The following ASAP1 variants were observed in gnomAD, a reference collection of about 807,000 sequenced individuals.
ASAP1 encodes arf-GAP with SH3 domain, ANK repeat and PH domain-containing protein 1.
A neutral mutation model predicts 145.2 loss-of-function variants in ASAP1; 43 were observed. The observed-to-expected ratio is 0.30, with a 90% CI of 0.23 to 0.38. The LOEUF (loss-of-function observed/expected upper bound fraction) is 0.38, where lower values mean the gene tolerates loss of function less well. Among genes scored for constraint, ASAP1 ranks in the 10% least tolerant of loss-of-function variants. The pLI is 1.00. For missense variants in ASAP1, 1,018 were observed against 1,355.3 expected (o/e 0.75, Z 3.91); for synonymous variants, 546 against 515.5 (o/e 1.06, Z -0.80).
intron 3 of ASAP1, among the ~76,000 whole-genome samples, chr8:130,310,897 A>G (rs1004146510): frequency 2.6e-5 from 4 of 152,226 alleles, no homozygotes; most frequent in Admixed American, 6.5e-5. Context: ...TGTTTAAGTT[A>G]CACTTTGAGA....
chr8:130,397,761 C>T (rs1828601346), intron 2 of ASAP1, among the ~76,000 whole-genome samples: 1 of 152,240 alleles, frequency 6.6e-6, no homozygotes, highest in Admixed American at 6.5e-5. Context: ...GTTATTTCAG[C>T]AGATGAGCCT....
intron 24 of ASAP1, among the ~76,000 whole-genome samples, chr8:130,105,043 T>C (rs1030099572): frequency 6.6e-6 from 1 of 152,140 alleles, no homozygotes; most frequent in Non-Finnish European, 1.5e-5. Context: ...TAGTTTTCTT[T>C]TTTCAATTTA....
chr8:130,421,907 T>C (rs1272930907), intron 1 of ASAP1, among the ~76,000 whole-genome samples: 1 of 152,218 alleles, frequency 6.6e-6, no homozygotes, highest in African/African-American at 2.4e-5. Context: ...GAATACCTAC[T>C]ATGTGAGAAA....
At chr8:130,257,683 G>A (rs532186664) in intron 3 of ASAP1, among the ~76,000 whole-genome samples, 11 of 151,760 alleles carry the variant, frequency 7.2e-5, no homozygotes, top group East Asian at 5.8e-4. Flanking sequence ...ATCTCCTTTC[G>A]AAAATTCAAA....
intron 3 of ASAP1, among the ~76,000 whole-genome samples, chr8:130,257,964 T>A (rs1819670271): frequency 6.6e-6 from 1 of 152,228 alleles, no homozygotes; most frequent in African/African-American, 2.4e-5. Context: ...ATGGCCTGTA[T>A]AATATCTTTT....
chr8:130,415,085 T>C (rs565859401), intron 1 of ASAP1, among the ~76,000 whole-genome samples: 32 of 152,380 alleles, frequency 2.1e-4, no homozygotes, highest in South Asian at 1.0e-3. Flanking sequence ...AAATGCCTAG[T>C]GCACAGCAGG....
At chr8:130,077,896 T>G (rs1470318651) in intron 26 of ASAP1, among the ~76,000 whole-genome samples, 2 of 152,182 alleles carry the variant, frequency 1.3e-5, no homozygotes, top group Non-Finnish European at 2.9e-5. Flanking sequence ...GAGGGCTTTG[T>G]TTCTCTTGAA....
At chr8:130,282,497 C>T (rs979199996) in intron 3 of ASAP1, among the ~76,000 whole-genome samples, 12 of 152,154 alleles carry the variant, frequency 7.9e-5, no homozygotes, top group Non-Finnish European at 1.2e-4. Context: ...ACGACTGTTA[C>T]CATCTGCACT....
chr8:130,421,984 G>A (rs150489012), intron 1 of ASAP1, among the ~76,000 whole-genome samples: 96 of 152,308 alleles, frequency 6.3e-4, no homozygotes, highest in Admixed American at 1.4e-3. Context: ...AATAGTGGGG[G>A]AGACAGAGGT....
chr8:130,063,490 A>G (rs2097423608), intron 27 of ASAP1, among the ~76,000 whole-genome samples: 2 of 152,232 alleles, frequency 1.3e-5, no homozygotes, highest in Non-Finnish European at 2.9e-5. Context: ...TGAGGGGAAG[A>G]GGCAAGGCTG....
intron 24 of ASAP1, among the ~76,000 whole-genome samples, chr8:130,096,978 T>G (rs2097519220): frequency 6.6e-6 from 1 of 151,232 alleles, no homozygotes; most frequent in African/African-American, 2.4e-5. Context: ...AATACAAAAT[T>G]AGCTGGGCAT....
rs192054015 is a variant in ASAP1, at chr8:130,222,100, T to C, written c.260-7399A>G. Among the ~76,000 whole-genome samples, 134 of 152,300 alleles carry C rather than the reference T, an allele frequency of 8.8e-4. 1 individual carries two copies. Among genetic ancestry groups the C allele is most frequent in the African/African-American group, 3.0e-3 (125 of 41,566 alleles). ...TTCAGACAACGCTGAAGAGTTTATA[T>C]CCCTAGGCGTTGGCAATAACAAGTA... On this transcript the variant is annotated intron_variant, in intron 4 of 29. Transcript: ENST00000518721.
At chr8:130,349,880 GA>G (rs1825900835) in intron 3 of ASAP1, among the ~76,000 whole-genome samples, 1 of 152,216 alleles carries the variant, frequency 6.6e-6, no homozygotes, top group Admixed American at 6.5e-5. Context: ...GCTTAGACAT[GA>G]AGTGTAGCCC....
intron 3 of ASAP1, among the ~76,000 whole-genome samples, chr8:130,278,682 T>C (rs530837304): frequency 6.6e-6 from 1 of 152,268 alleles, no homozygotes; most frequent in African/African-American, 2.4e-5. Flanking sequence ...AAACTCTAAT[T>C]AATTCCTGGG....
chr8:130,182,207 A>C (rs1234551775), intron 7 of ASAP1, among the ~76,000 whole-genome samples: 1 of 152,244 alleles, frequency 6.6e-6, no homozygotes, highest in Non-Finnish European at 1.5e-5. Flanking sequence ...CTTTCAATTT[A>C]CCATGGTGAC....
chr8:130,342,285 T>C (rs1825434608), intron 3 of ASAP1, among the ~76,000 whole-genome samples: 1 of 152,102 alleles, frequency 6.6e-6, no homozygotes, highest in Admixed American at 6.5e-5. Context: ...CACATCCTCG[T>C]CAAGTCACTC....
intron 27 of ASAP1, among the ~76,000 whole-genome samples, chr8:130,068,267 G>C (rs12541938): frequency 1.3e-5 from 2 of 152,064 alleles, no homozygotes; most frequent in Non-Finnish European, 2.9e-5. Flanking sequence ...ACTTGAGGCT[G>C]GACTAAGCTC....
At chr8:130,167,345 G>C in intron 11 of ASAP1, 191 bp downstream of exon 11, 1 of 714,610 alleles carries the variant, frequency 1.4e-6, no homozygotes, top group Non-Finnish European at 2.6e-6. Context: ...CATGGAATTG[G>C]ATACCCAGAA....
intron 3 of ASAP1, among the ~76,000 whole-genome samples, chr8:130,320,710 T>C (rs17286363): frequency 0.056 from 8,479 of 152,054 alleles, 325 homozygotes; most frequent in Non-Finnish European, 0.082. Flanking sequence ...ATCATTCCTC[T>C]CTAGTATCAC....
Sources: gnomAD v4.1 joint callset for allele counts (sites outside exome capture counted in the v4.1 genomes callset) on GRCh38, gnomAD v4.1.1 for gene constraint, MANE v1.5 for transcripts, NCBI Gene and HGNC (gene_info 2026-07-23, HGNC 2026-07-21) for gene names.